The following CCDC174 variants were observed in gnomAD, a reference collection of about 807,000 sequenced individuals.
The protein encoded by CCDC174 is coiled-coil domain-containing protein 174.
CCDC174 carries 37 observed loss-of-function variants against 57.1 expected under a neutral mutation model. The ratio of observed to expected loss-of-function variants is 0.65; its 90% CI spans 0.50 to 0.85. The LOEUF (loss-of-function observed/expected upper bound fraction) is 0.85. CCDC174 is among the 40% of genes least tolerant of loss of function. The pLI, the probability that CCDC174 is intolerant of heterozygous loss-of-function variation, is 0.00. For missense variants in CCDC174, 540 were observed against 574.3 expected (o/e 0.94, Z 0.61); for synonymous variants, 182 against 190.2 (o/e 0.96, Z 0.35).
Position 14,656,453 on chromosome 3 carries a change from G to A in CCDC174, c.248+824G>A, listed in dbSNP as rs76769399. Among the ~76,000 whole-genome samples the A allele has an allele frequency of 1.3e-3, 198 of 152,298 alleles. 1 individual carries two copies. The highest frequency in any genetic ancestry group is 3.9e-3 in the African/African-American group (160 of 41,542). ...CAGTGTCCCACAACCAATTAGAGTC[G>A]TATGAAATGTTTTTGGTAAGAATAC... On this transcript the variant is annotated intron_variant, in intron 3 of 10. Transcript: ENST00000383794.
intron 1 of CCDC174, among the ~76,000 whole-genome samples, chr3:14,652,399 C>G (rs910980103): frequency 3.3e-5 from 5 of 152,150 alleles, no homozygotes; most frequent in Non-Finnish European, 5.9e-5. Flanking sequence ...GTTGTGAGGT[C>G]TGAAAGGATG....
intron 4 of CCDC174, among the ~76,000 whole-genome samples, chr3:14,660,545 G>C (rs2031096442): frequency 6.6e-6 from 1 of 152,182 alleles, no homozygotes; most frequent in Non-Finnish European, 1.5e-5. Context: ...AGTCTTTTCT[G>C]TTTTGATTCA....
intron 2 of CCDC174, among the ~76,000 whole-genome samples, chr3:14,655,202 T>C (rs1420235883): frequency 6.6e-6 from 1 of 152,074 alleles, no homozygotes; most frequent in Non-Finnish European, 1.5e-5. Flanking sequence ...TCCCAGCTAC[T>C]TGGGAAGCTG....
chr3:14,661,656 A>G lies in CCDC174; in HGVS notation c.434A>G (p.Glu145Gly). Reference sequence around the variant, plus strand: ...GCAGGAGAAAGGGACGACGATGAGGAAAACCTTCCTGAGGGAGAGATCCCT... The same window carrying G: ...GCAGGAGAAAGGGACGACGATGAGGGAAACCTTCCTGAGGGAGAGATCCCT... ...QKAGERDDDE[E>G]NLPEGEIPPP... Residue 145 changes from glutamate (E) to glycine (G), a missense_variant, in exon 5 of 11, where the codon GAA becomes GGA. Glu to Gly is a moderately conservative substitution (Grantham distance 98). Coordinates refer to ENST00000383794, the MANE Select transcript of CCDC174 (RefSeq NM_016474.5). 6.2e-7 allele frequency: 1 copy of G among 1,614,196 alleles called. No homozygotes were observed. Among genetic ancestry groups the G allele is most frequent in the Non-Finnish European group, 8.5e-7 (1 of 1,180,010 alleles).
chr3:14,659,466 C>T (rs189706911), intron 4 of CCDC174, among the ~76,000 whole-genome samples: 137 of 152,278 alleles, frequency 9.0e-4, no homozygotes, highest in Middle Eastern at 6.8e-3. Context: ...GCAGGCAGAT[C>T]ACCTGATGGC....
At chr3:14,661,472 G>A in intron 4 of CCDC174, 58 bp from the exon 5 acceptor site, 1 of 1,478,000 alleles carries the variant, frequency 6.8e-7, no homozygotes, top group Non-Finnish European at 9.2e-7. Flanking sequence ...ACTGCTTCTT[G>A]TCCATTCCAT....
Position 14,669,994 on chromosome 3 carries a change from C to T in CCDC174, c.1013C>T (p.Ala338Val). 6.2e-7 allele frequency: 1 copy of T among 1,613,204 alleles called. No homozygotes were observed. The highest frequency in any genetic ancestry group is 1.1e-5 in the South Asian group (1 of 90,882). Residue 338 changes from alanine to valine, a missense_variant, in exon 10 of 11, where the codon GCT (alanine) becomes GTT (valine). By Grantham distance (64) the Ala-to-Val change is moderately conservative. Coordinates refer to ENST00000383794, the MANE Select transcript of CCDC174 (RefSeq NM_016474.5). ...GAGGCTGTGCCAACCCCACGTCCTG[C>T]TGCCCAGAGTAGCAAAGTAGAAGTC... ...EPEAVPTPRP[A>V]AQSSKVEVIV...
chr3:14,666,941 G>A lies in CCDC174; in HGVS notation c.718G>A (p.Glu240Lys). 1 of 1,575,162 alleles carries A rather than the reference G, an allele frequency of 6.3e-7. No individual in the cohort carries two copies. The highest frequency in any genetic ancestry group is 8.6e-7 in the Non-Finnish European group (1 of 1,168,800). Reference sequence around the variant, plus strand: ...GCCCGTACATTATGAAGACATTCGGGAAAATGGTATGACTATTTTCTTGCA... The same window carrying A: ...GCCCGTACATTATGAAGACATTCGGAAAAATGGTATGACTATTTTCTTGCA... ...MGPVHYEDIR[E>K]NEARQLGVGY... The change falls in exon 7 of 11, where the codon GAA becomes AAA. Residue 240 changes from glutamate to lysine, a missense_variant. Glu to Lys is a moderately conservative substitution (Grantham distance 56, BLOSUM62 1). Transcript: ENST00000383794.
intron 4 of CCDC174, among the ~76,000 whole-genome samples, chr3:14,660,733 C>G (rs1218531207): frequency 6.6e-6 from 1 of 152,164 alleles, no homozygotes; most frequent in Non-Finnish European, 1.5e-5. Context: ...AAACACCACC[C>G]CTGGTAATAG....
At position 14,662,763 on chromosome 3, in the gene CCDC174, C is replaced by T. The variant is rs182115944; in HGVS notation, c.485+1056C>T. Among the ~76,000 whole-genome samples, 302 of 152,306 alleles carry T rather than the reference C, an allele frequency of 2.0e-3. 2 individuals carry two copies. Among genetic ancestry groups the T allele is most frequent in the Admixed American group, 3.3e-3 (50 of 15,298 alleles). On this transcript the variant is annotated intron_variant, in intron 5 of 10. Transcript: ENST00000383794. ...GTAGCAGGCGTTCATCTTTTGTCAG[C>T]CTTTGGCCTTGTGGGCAGTCATTGA...
Position 14,655,451 on chromosome 3 carries a change from T to G in CCDC174, c.148-78T>G, listed in dbSNP as rs918961399. The G allele has an allele frequency of 8.1e-6, 7 of 863,106 alleles. No homozygotes were observed. In the Admixed American group the frequency reaches 1.4e-4, roughly 17 times the overall value. 53.5% of individuals were successfully genotyped at this position (863,106 alleles called of 1,614,324 possible). A position where few individuals can be genotyped will look rare whatever the true frequency, so the allele number is the denominator to read the frequency against. On this transcript the variant is annotated intron_variant, in intron 2 of 10. Coordinates refer to ENST00000383794, the MANE Select transcript of CCDC174 (RefSeq NM_016474.5). Reference sequence around the variant, plus strand: ...ATAAGAACTCATGATCTCCTTTGTTTTTTTTTTTCCTGATGCACAAGTAGA... The same window carrying G: ...ATAAGAACTCATGATCTCCTTTGTTGTTTTTTTTCCTGATGCACAAGTAGA...
chr3:14,662,642 C>A (rs1193186703), intron 5 of CCDC174, among the ~76,000 whole-genome samples: 1 of 152,120 alleles, frequency 6.6e-6, no homozygotes, highest in African/African-American at 2.4e-5. Flanking sequence ...TCCTGGGAAC[C>A]CATCCTCTTG....
In CCDC174 at chr3:14,654,496, C is replaced by G; in HGVS notation, c.113C>G (p.Ser38Cys). Residue 38 changes from serine to cysteine, a missense_variant, in exon 2 of 11, where the codon TCT (serine) becomes TGT (cysteine). Coordinates refer to ENST00000383794, the MANE Select transcript of CCDC174 (RefSeq NM_016474.5). The stretch of plus-strand genomic sequence containing the variant: ...AAACAAGAAAAACTTCTAAAAGATT[C>G]TGGAGTTTTTGGAAAACCAAAAACA... ...EFKQEKLLKD[S>C]GVFGKPKTTN... The G allele has an allele frequency of 1.2e-6, 2 of 1,604,720 alleles. No homozygotes were observed. The highest frequency in any genetic ancestry group is 1.7e-6 in the Non-Finnish European group (2 of 1,174,574).
Position 14,670,077 on chromosome 3 carries a change from C to T in CCDC174, c.1096C>T (p.Arg366Cys), listed in dbSNP as rs1359136292. The change falls in exon 10 of 11, where the codon CGC becomes TGC. Residue 366 changes from arginine (R) to cysteine (C), a missense_variant. Arg to Cys is a radical substitution (Grantham distance 180, BLOSUM62 -3). Transcript: ENST00000383794. ...AGTGCCACACATCCGGGAGTGGGAC[C>T]GCGGAAAAGGTAAGGGAGGTGGGCT... ...PGVPHIREWDRGKEFSFGYWS... is the reference protein window; with the variant it reads ...PGVPHIREWDCGKEFSFGYWS... The T allele has an allele frequency of 2.5e-5, 40 of 1,608,582 alleles. No homozygotes were observed. The highest frequency in any genetic ancestry group is 4.5e-5 in the East Asian group (2 of 44,700).
intron 5 of CCDC174, among the ~76,000 whole-genome samples, chr3:14,663,256 C>G (rs896317079): frequency 7.9e-5 from 12 of 152,196 alleles, no homozygotes; most frequent in African/African-American, 2.7e-4. Flanking sequence ...ATCCTCCTGC[C>G]TGGGCCTCCC....
intron 5 of CCDC174, among the ~76,000 whole-genome samples, chr3:14,663,590 A>G (rs2031222633): frequency 6.6e-6 from 1 of 152,070 alleles, no homozygotes; most frequent in South Asian, 2.1e-4. Context: ...GTTTGCCTGC[A>G]GGGGTTGCTC....
rs764817231 is a variant in CCDC174 at position 14,670,138 on chromosome 3, GT to G, written c.1105+60del. 3.9e-6 allele frequency: 6 copies of G among 1,553,532 alleles called. No homozygotes were observed. In the East Asian group the frequency reaches 7.0e-5, roughly 18 times the overall value. On this transcript the variant is annotated intron_variant, in intron 10 of 10. Coordinates refer to ENST00000383794, the MANE Select transcript of CCDC174 (RefSeq NM_016474.5). Reference sequence around the variant, plus strand: ...AGAACTCTCCAGTGAATGGAAAATGGTTTTTTTTCTAGAAGCACTTGGGGTA... The same window carrying G: ...AGAACTCTCCAGTGAATGGAAAATGGTTTTTTTCTAGAAGCACTTGGGGTA...
chr3:14,664,608 G>C (rs946074123), intron 5 of CCDC174, among the ~76,000 whole-genome samples: 1 of 152,214 alleles, frequency 6.6e-6, no homozygotes, highest in African/African-American at 2.4e-5. Flanking sequence ...GGAAATAAGA[G>C]AAAGAATAAA....
chr3:14,651,908 G>T, intron 1 of CCDC174, 30 bp downstream of exon 1: 1 of 1,609,724 alleles, frequency 6.2e-7, no homozygotes, highest in Non-Finnish European at 8.5e-7. Context: ...AACTCCACGG[G>T]CTCCGGGTTC....
Sources: gnomAD v4.1 joint callset for allele counts (sites outside exome capture counted in the v4.1 genomes callset) on GRCh38, gnomAD v4.1.1 for gene constraint, MANE v1.5 for transcripts, NCBI Gene and HGNC (gene_info 2026-07-23, HGNC 2026-07-21) for gene names.